Variants in CIB1 observed in about 807,000 individuals in gnomAD.
CIB1 encodes calcium and integrin binding 1.
In CIB1, 19 loss-of-function variants were observed where a neutral mutation model predicts 25.0. That is an observed-to-expected ratio of 0.76 (90% CI 0.53 to 1.12). CIB1 has a LOEUF of 1.12. CIB1 is among the 50% of genes most tolerant of loss of function. The probability of loss-of-function intolerance (pLI) is 0.00; values close to 1 mark genes in which losing one functional copy is unlikely to be tolerated. For missense variants in CIB1, 236 were observed against 242.6 expected, an observed-to-expected ratio of 0.97 and a Z score of 0.18; for synonymous variants, 104 against 98.5, an observed-to-expected ratio of 1.06 and a Z score of -0.33.
At chr15:90,250,719 C>G in the CIB1 span, 8 of 1,614,114 alleles carry the variant, frequency 5.0e-6, no homozygotes, top group Admixed American at 1.3e-4. Context: ...GAGGGAGTTA[C>G]CAACCCCTCT....
the CIB1 span, chr15:90,261,902 G>A: frequency 4.0e-6 from 4 of 994,366 alleles, no homozygotes; most frequent in Non-Finnish European, 5.6e-6. Flanking sequence ...GGCCCAGGAG[G>A]TCAAGAAGCC....
upstream of CIB1, among the ~76,000 whole-genome samples, chr15:90,236,401 A>G (rs1039913094): frequency 4.6e-5 from 7 of 152,250 alleles, no homozygotes; most frequent in African/African-American, 1.7e-4. Context: ...GCTGTGATCT[A>G]GATCTCTCAG....
the CIB1 span, chr15:90,251,699 C>T: frequency 9.7e-6 from 13 of 1,342,080 alleles, no homozygotes; most frequent in African/African-American, 7.2e-5. Flanking sequence ...GCCCCTGGGG[C>T]CTGGCGGGCT....
chr15:90,236,871 G>A (rs565062030), upstream of CIB1, among the ~76,000 whole-genome samples: 11 of 152,152 alleles, frequency 7.2e-5, no homozygotes, highest in African/African-American at 9.6e-5. Context: ...GGTAGTCCTC[G>A]GTGAATCTGG....
At chr15:90,258,699 T>C in the CIB1 span, 1 of 1,504,576 alleles carries the variant, frequency 6.6e-7, no homozygotes, top group Non-Finnish European at 9.2e-7. Context: ...CACCACCTGC[T>C]CAGGTGGTCT....
the CIB1 span, chr15:90,243,526 T>C: frequency 6.6e-6 from 1 of 152,218 alleles, no homozygotes; most frequent in South Asian, 2.1e-4. Flanking sequence ...TTTAAATTTT[T>C]TGTAGAGATA....
the CIB1 span, chr15:90,262,907 G>C: frequency 6.7e-7 from 1 of 1,490,484 alleles, no homozygotes; most frequent in Non-Finnish European, 8.9e-7. Context: ...AGCCATCCTG[G>C]GTGATGGTTT....
At chr15:90,257,167 T>C in the CIB1 span, 2 of 1,613,814 alleles carry the variant, frequency 1.2e-6, no homozygotes, top group Non-Finnish European at 1.7e-6. Flanking sequence ...TCAAGTTTGA[T>C]ATGCGAGTCT....
intron 5 of CIB1, 33 bp downstream of exon 5, chr15:90,231,062 C>G: frequency 6.2e-7 from 1 of 1,613,182 alleles, no homozygotes; most frequent in Non-Finnish European, 8.5e-7. Context: ...CCCAACTGCT[C>G]CCTCCCGCTC....
At chr15:90,238,210 A>C (rs1408495240), upstream of CIB1, among the ~76,000 whole-genome samples, 1 of 152,132 alleles carries the variant, frequency 6.6e-6, no homozygotes, top group Admixed American at 6.5e-5. Flanking sequence ...TGAGGCATGA[A>C]AATCACTTGA....
chr15:90,258,115 T>A, the CIB1 span: 1 of 1,614,116 alleles, frequency 6.2e-7, no homozygotes, highest in Non-Finnish European at 8.5e-7. Context: ...ATCGAGGACA[T>A]CATCATCAAA....
At chr15:90,233,433 G>T (rs1261559812) in intron 2 of CIB1, among the ~76,000 whole-genome samples, 1 of 152,236 alleles carries the variant, frequency 6.6e-6, no homozygotes, top group African/African-American at 2.4e-5. Context: ...GGGTCAAAGA[G>T]CGCCTAACTT....
the CIB1 span, among the ~76,000 whole-genome samples, chr15:90,247,873 C>T: frequency 5.3e-5 from 8 of 151,390 alleles, no homozygotes; most frequent in South Asian, 4.2e-4. Context: ...GGACTACAGG[C>T]GCCCGCCACC....
the CIB1 span, chr15:90,241,863 A>G: frequency 6.2e-7 from 1 of 1,614,162 alleles, no homozygotes; most frequent in Non-Finnish European, 8.5e-7. Flanking sequence ...CCGGAAGTCC[A>G]GCTTTGGGAT....
chr15:90,257,422 C>A, the CIB1 span: 13 of 1,299,182 alleles, frequency 1.0e-5, no homozygotes, highest in African/African-American at 1.5e-4. Flanking sequence ...AGCTGGGAGG[C>A]AAGTGTTTGG....
upstream of CIB1, chr15:90,234,075 A>C: frequency 1.6e-6 from 1 of 625,998 alleles, no homozygotes; most frequent in Non-Finnish European, 2.6e-6. Context: ...TGCCGGCTCC[A>C]AGCGGTCCTA....
the CIB1 span, among the ~76,000 whole-genome samples, chr15:90,252,056 T>TTTTTTTTTTTTTG: frequency 2.0e-5 from 3 of 151,184 alleles, no homozygotes; most frequent in South Asian, 2.1e-4. Flanking sequence ...TTTTTTTTTT[T>TTTTTTTTTTTTTG]GAGACCGAGT....
the CIB1 span, chr15:90,257,902 C>T: frequency 1.1e-6 from 1 of 950,456 alleles, no homozygotes; most frequent in Non-Finnish European, 1.6e-6. Flanking sequence ...ACCCTGATAA[C>T]TAGTCCCTGC....
chr15:90,246,528 G>A, the CIB1 span, among the ~76,000 whole-genome samples: 1 of 151,982 alleles, frequency 6.6e-6, no homozygotes, highest in African/African-American at 2.4e-5. Context: ...GCTCACGCCT[G>A]TAATCCCAGC....
Sources: allele counts gnomAD v4.1 joint callset (sites outside exome capture counted in the v4.1 genomes callset), GRCh38; gene constraint gnomAD v4.1.1; transcripts MANE v1.5; gene names NCBI Gene and HGNC (gene_info 2026-07-23, HGNC 2026-07-21).